Variants in EMC1 observed in about 807,000 individuals in gnomAD.
The protein encoded by EMC1 is KIAA0090.
Under a neutral mutation model 128.8 loss-of-function variants are expected in EMC1, and 103 were observed. That is an observed-to-expected ratio of 0.80 (90% CI 0.68 to 0.94). The LOEUF (loss-of-function observed/expected upper bound fraction) is 0.94. Ranked by LOEUF, EMC1 falls within the 40% of genes least tolerant of loss-of-function variation. The pLI is 0.00. For missense variants in EMC1, 1,083 were observed against 1,250.6 expected (o/e 0.87, Z 2.02); for synonymous variants, 442 against 490.4 (o/e 0.90, Z 1.30).
chr1:19,238,447 T>C (rs1213706609), intron 10 of EMC1, among the ~76,000 whole-genome samples: 2 of 152,052 alleles, frequency 1.3e-5, no homozygotes, highest in Non-Finnish European at 2.9e-5. Context: ...GGGAAACGCT[T>C]AGATGGAAGC....
intron 20 of EMC1, among the ~76,000 whole-genome samples, chr1:19,222,123 G>T (rs1348831771): frequency 6.6e-6 from 1 of 151,898 alleles, no homozygotes; most frequent in African/African-American, 2.4e-5. Flanking sequence ...TTTGAGCTAG[G>T]TGAAAATGCC....
chr1:19,230,769 TC>T lies in EMC1; in HGVS notation c.2064+74del. 1.9e-6 allele frequency: 3 copies of T among 1,576,330 alleles called. No homozygotes were observed. In the East Asian group the frequency reaches 6.7e-5, roughly 35 times the overall value. ...TTTACAGTAGAATGAGTAGCATAAT[TC>T]ACTTCTTAGCCAAATGGCCAGGAAA... On this transcript the variant is annotated intron_variant, in intron 17 of 22. Coordinates refer to ENST00000477853, the MANE Select transcript of EMC1 (RefSeq NM_015047.3).
At chr1:19,237,325 T>A in intron 11 of EMC1, 87 bp from the exon 12 acceptor site, 1 of 887,380 alleles carries the variant, frequency 1.1e-6, no homozygotes, top group Non-Finnish European at 1.9e-6. Context: ...AGCCTGGACT[T>A]AACAGAGGTA....
Position 19,231,404 on chromosome 1 carries a change from G to C in EMC1, c.1801C>G (p.Leu601Val), listed in dbSNP as rs777399449. 1.2e-6 allele frequency: 2 copies of C among 1,611,686 alleles called. No individual in the cohort carries two copies. The highest frequency in any genetic ancestry group is 2.2e-5 in the South Asian group (2 of 90,590). ...CCAAAAATGGGATTGAAGACATACA[G>C]AGAACTCATTCCCGACTCCTAAAAT... ...VKDKESGMSS[L>V]YVFNPIFGKW... Residue 601 changes from leucine to valine, a missense_variant, in exon 16 of 23, where the codon CTG becomes GTG. By Grantham distance (32) the Leu-to-Val change is conservative. This residue lies in a region of EMC1 where 527 missense variants were observed against 644.1 expected (regional missense o/e 0.82). Transcript: ENST00000477853.
At chr1:19,224,103 CCTT>C (rs929397756) in intron 18 of EMC1, among the ~76,000 whole-genome samples, 17 of 152,318 alleles carry the variant, frequency 1.1e-4, no homozygotes, top group African/African-American at 3.1e-4. Flanking sequence ...GCCCAGCACT[CCTT>C]CTACTTTACT....
intron 18 of EMC1, 65 bp from the exon 19 acceptor site, chr1:19,223,634 T>G: frequency 6.7e-7 from 1 of 1,486,028 alleles, no homozygotes; most frequent in Admixed American, 1.8e-5. Flanking sequence ...ATTCCTGTGC[T>G]GTGAGACCAA....
At chr1:19,224,315 C>T (rs2093455048) in intron 18 of EMC1, among the ~76,000 whole-genome samples, 1 of 152,158 alleles carries the variant, frequency 6.6e-6, no homozygotes, top group South Asian at 2.1e-4. Flanking sequence ...CCAGATACTC[C>T]TTTGAACTCC....
intron 3 of EMC1, 62 bp downstream of exon 3, chr1:19,243,888 G>C (rs1028894174): frequency 5.1e-6 from 8 of 1,574,438 alleles, no homozygotes. Context: ...TACAGATCAA[G>C]GAGCCAAGGA....
Position 19,242,233 on chromosome 1 carries a change from CCAA to C in EMC1, c.509+109_509+111del, listed in dbSNP as rs2093610277. On this transcript the variant is annotated intron_variant, in intron 5 of 22. Transcript: ENST00000477853. The stretch of plus-strand genomic sequence containing the variant: ...TGAGTGCAACACACTCCATGGAACA[CCAA>C]CAAGAGACAGGCCTGGGTTAAAGCA... The C allele has an allele frequency of 3.4e-6, 4 of 1,176,390 alleles. No individual in the cohort carries two copies. In the South Asian group the frequency reaches 5.6e-5, roughly 16 times the overall value. 72.9% of individuals were successfully genotyped at this position (1,176,390 alleles called of 1,614,324 possible). A position where few individuals can be genotyped will look rare whatever the true frequency, so the allele number is the denominator to read the frequency against.
At chr1:19,247,357 C>T (rs1000418775) in intron 1 of EMC1, among the ~76,000 whole-genome samples, 3 of 152,080 alleles carry the variant, frequency 2.0e-5, no homozygotes, top group Non-Finnish European at 4.4e-5. Flanking sequence ...ATACTTTTAA[C>T]GTTTTACTAT....
intron 19 of EMC1, 64 bp downstream of exon 19, chr1:19,223,332 G>A: frequency 6.9e-7 from 1 of 1,455,578 alleles, no homozygotes; most frequent in Non-Finnish European, 9.4e-7. Context: ...TGGGTTTCTG[G>A]AAAGGACTCA....
chr1:19,251,497 A>G lies in EMC1; in HGVS notation c.13T>C (p.Trp5Arg), dbSNP rs1569583199. MAAE[W>R]ASRFWLWATL... is the part of the protein sequence containing the mutation. ...GCCCAAAGCCAGAAACGAGAAGCCCACTCAGCCGCCATGATGCGAGCGCAT... is the reference window on the plus strand; with the variant it reads ...GCCCAAAGCCAGAAACGAGAAGCCCGCTCAGCCGCCATGATGCGAGCGCAT... The change falls in exon 1 of 23, where the codon TGG (tryptophan) becomes CGG (arginine). Residue 5 changes from tryptophan to arginine, a missense_variant. By Grantham distance (101) the Trp-to-Arg change is moderately radical (BLOSUM62 -3). Around this residue, in one of 3 missense-constraint regions of EMC1, gnomAD observed 544 missense variants for 572.4 expected, o/e 0.95. Transcript: ENST00000477853. 8.1e-6 allele frequency: 13 copies of G among 1,614,062 alleles called. No homozygotes were observed. The highest frequency in any genetic ancestry group is 1.1e-5 in the South Asian group (1 of 91,088).
rs1252448672 is a variant in EMC1 at position 19,231,391 on chromosome 1, T to C, written c.1814A>G (p.Asn605Ser). 3 of 1,612,460 alleles carry C rather than the reference T, an allele frequency of 1.9e-6. No individual in the cohort carries two copies. The highest frequency in any genetic ancestry group is 2.2e-5 in the South Asian group (2 of 90,776). The change falls in exon 16 of 23, where the codon AAT becomes AGT. Residue 605 changes from asparagine (N) to serine (S), a missense_variant. Transcript: ENST00000477853. ...CTGACTCCACTTCCCAAAAATGGGA[T>C]TGAAGACATACAGAGAACTCATTCC... is the stretch of plus-strand genomic sequence containing the variant. ...ESGMSSLYVFNPIFGKWSQVA... is the reference protein window; with the variant it reads ...ESGMSSLYVFSPIFGKWSQVA...
chr1:19,227,446 A>G lies in EMC1; in HGVS notation c.2069T>C (p.Leu690Pro). The change falls in exon 18 of 23, where the codon CTC becomes CCC. Residue 690 changes from leucine (L) to proline (P), a missense_variant. Leu to Pro is a moderately conservative substitution (Grantham distance 98, BLOSUM62 -3). Around this residue, in one of 3 missense-constraint regions of EMC1, gnomAD observed 527 missense variants for 644.1 expected, o/e 0.82. Coordinates refer to ENST00000477853, the MANE Select transcript of EMC1 (RefSeq NM_015047.3). The stretch of plus-strand genomic sequence containing the variant: ...CAGCTCCCAACTCAGCTCAGTGGTG[A>G]GATCCTAGGGCAGGGGCAAAAAAGC... ...RLCGYRLRKD[L>P]TTELSWELTI... 1 of 1,614,214 alleles carries G rather than the reference A, an allele frequency of 6.2e-7. No homozygotes were observed. The highest frequency in any genetic ancestry group is 8.5e-7 in the Non-Finnish European group (1 of 1,180,036).
chr1:19,231,163 G>A, intron 16 of EMC1, 98 bp downstream of exon 16: 1 of 1,397,062 alleles, frequency 7.2e-7, no homozygotes, highest in South Asian at 1.4e-5. Context: ...ACACGTGCTG[G>A]GTGCAGAGAG....
Position 19,219,104 on chromosome 1 carries a change from GTC to G in EMC1, c.*197_*198del. 1 of 563,350 alleles carries G rather than the reference GTC, an allele frequency of 1.8e-6. No individual in the cohort carries two copies. The highest frequency in any genetic ancestry group is 3.2e-6 in the Non-Finnish European group (1 of 315,902). 34.9% of individuals were successfully genotyped at this position (563,350 alleles called of 1,614,324 possible). A position where few individuals can be genotyped will look rare whatever the true frequency, so the allele number is the denominator to read the frequency against. ...TGAGAGTGTCAGCTGAGAGAGTTCT[GTC>G]TCTCTCCATGTAGGATCCTTTCTGC... is the stretch of plus-strand genomic sequence containing the variant. On this transcript the variant is annotated 3_prime_UTR_variant, in exon 23 of 23. Coordinates refer to ENST00000477853, the MANE Select transcript of EMC1 (RefSeq NM_015047.3).
At chr1:19,248,851 A>G (rs1478981838) in intron 1 of EMC1, among the ~76,000 whole-genome samples, 2 of 152,176 alleles carry the variant, frequency 1.3e-5, no homozygotes, top group Admixed American at 6.5e-5. Flanking sequence ...GACTGAAAAA[A>G]AAAATTTTAG....
chr1:19,247,628 A>G (rs1188994065), intron 1 of EMC1, among the ~76,000 whole-genome samples: 1 of 152,246 alleles, frequency 6.6e-6, no homozygotes, highest in East Asian at 1.9e-4. Flanking sequence ...ATGATAATAA[A>G]TGACTGTGTT....
chr1:19,240,821 C>T, intron 6 of EMC1, 195 bp downstream of exon 6: 1 of 641,940 alleles, frequency 1.6e-6, no homozygotes, highest in South Asian at 2.0e-5. Flanking sequence ...TTAGCCACCC[C>T]AGAAGATAAC....
Sources: gnomAD v4.1 joint callset for allele counts (sites outside exome capture counted in the v4.1 genomes callset) on GRCh38, gnomAD v4.1.1 for gene constraint, gnomAD v4.1.1 regional missense constraint, MANE v1.5 for transcripts, NCBI Gene and HGNC (gene_info 2026-07-23, HGNC 2026-07-21) for gene names.